The following GPLD1 variants were observed in gnomAD, a reference collection of about 807,000 sequenced individuals.
GPLD1 encodes the protein glycosylphosphatidylinositol specific phospholipase D1, also known as phosphatidylinositol-glycan-specific phospholipase D.
GPLD1 carries 84 observed loss-of-function variants against 112.6 expected under a neutral mutation model. The ratio of observed to expected loss-of-function variants is 0.75; its 90% CI spans 0.63 to 0.89. The LOEUF (loss-of-function observed/expected upper bound fraction) is 0.89, where lower values mean the gene tolerates loss of function less well. Ranked by LOEUF, GPLD1 falls within the 40% of genes least tolerant of loss-of-function variation. The probability of loss-of-function intolerance (pLI) is 0.00; values close to 1 mark genes in which losing one functional copy is unlikely to be tolerated. For synonymous variants in GPLD1, 386 were observed against 403.8 expected, an observed-to-expected ratio of 0.96 and a Z score of 0.53; for missense variants, 1,044 against 1,051.5, an observed-to-expected ratio of 0.99 and a Z score of 0.10.
intron 1 of GPLD1, chr6:24,494,958 C>T (rs761924408): frequency 3.2e-5 from 42 of 1,293,262 alleles, no homozygotes; most frequent in Non-Finnish European, 3.9e-5. Context: ...TGCGCGCGCG[C>T]CCGCTTGCCT....
intron 6 of GPLD1, 21 bp downstream of exon 6, chr6:24,473,598 G>A (rs1763899591): frequency 7.2e-6 from 11 of 1,527,752 alleles, no homozygotes; most frequent in Middle Eastern, 1.7e-4. Context: ...AGAAAATTTA[G>A]CAAATGTAAA....
rs914728345 is a variant in GPLD1, at chr6:24,464,292, T to C, written c.822-1497A>G. Among the ~76,000 whole-genome samples the C allele has an allele frequency of 5.9e-5, 9 of 152,340 alleles. No individual in the cohort carries two copies. The South Asian group carries it at 1.5e-3, about 25-fold the overall frequency. The stretch of plus-strand genomic sequence containing the variant: ...CAATTTTATAGGTGAGGAAATAAGA[T>C]TTTGGAAGGTTTAGCAACTTGTTCC... On this transcript the variant is annotated intron_variant, in intron 10 of 24. Coordinates refer to ENST00000230036, the MANE Select transcript of GPLD1 (RefSeq NM_001503.4).
chr6:24,475,016 C>T (rs1004358079), intron 5 of GPLD1, 105 bp downstream of exon 5: 16 of 662,762 alleles, frequency 2.4e-5, no homozygotes, highest in Non-Finnish European at 4.2e-5. Flanking sequence ...GGGCAGAAGT[C>T]TGAATAACCT....
In GPLD1 at chr6:24,428,965, A is replaced by G. The variant is rs552266788; in HGVS notation, c.*67T>C. The G allele has an allele frequency of 2.7e-6, 3 of 1,118,202 alleles. No homozygotes were observed. The highest frequency in any genetic ancestry group is 3.9e-5 in the Admixed American group (2 of 51,422). The allele number at this position is 1,118,202 out of a possible 1,614,324, so 69.3% of individuals were successfully genotyped here. A position where few individuals can be genotyped will look rare whatever the true frequency, so the allele number is the denominator to read the frequency against. On this transcript the variant is annotated 3_prime_UTR_variant, in exon 25 of 25. Coordinates refer to ENST00000230036, the MANE Select transcript of GPLD1 (RefSeq NM_001503.4). Reference sequence around the variant, plus strand: ...ACTGGATGTGCCACTTTGTCCATCAAAATGCTCACCATGGATGTGATTCAG... The same window carrying G: ...ACTGGATGTGCCACTTTGTCCATCAGAATGCTCACCATGGATGTGATTCAG...
At chr6:24,478,868 C>T (rs1420223617) in intron 3 of GPLD1, among the ~76,000 whole-genome samples, 1 of 152,122 alleles carries the variant, frequency 6.6e-6, no homozygotes, top group African/African-American at 2.4e-5. Context: ...AGCTCCTCTC[C>T]AATTACTCAG....
chr6:24,466,653 G>A, intron 10 of GPLD1, 27 bp downstream of exon 10: 1 of 1,590,804 alleles, frequency 6.3e-7, no homozygotes. Context: ...GAGAGTGATT[G>A]GTAATAGAAA....
chr6:24,452,319 T>G (rs1763118335), intron 14 of GPLD1, among the ~76,000 whole-genome samples: 1 of 152,178 alleles, frequency 6.6e-6, no homozygotes, highest in Non-Finnish European at 1.5e-5. Context: ...TAAATTTATT[T>G]TGGAAATTTT....
Position 24,446,259 on chromosome 6 carries a change from A to G in GPLD1, c.1821-428T>C, listed in dbSNP as rs115534246. 4.4e-3 allele frequency among the ~76,000 whole-genome samples: 665 copies of G among 152,224 alleles called. 2 individuals carry two copies. The highest frequency in any genetic ancestry group is 7.1e-3 in the Non-Finnish European group (484 of 68,000). On this transcript the variant is annotated intron_variant, in intron 18 of 24. Coordinates refer to ENST00000230036, the MANE Select transcript of GPLD1 (RefSeq NM_001503.4). Reference sequence around the variant, plus strand: ...CAATAGGACTGGTGTCTTTCAAAGAAGAGGAGAGGCAGGAGGATCACTTGA... The same window carrying G: ...CAATAGGACTGGTGTCTTTCAAAGAGGAGGAGAGGCAGGAGGATCACTTGA...
At chr6:24,447,718 C>A in intron 17 of GPLD1, 159 bp downstream of exon 17, 4 of 707,512 alleles carry the variant, frequency 5.7e-6, no homozygotes, top group Non-Finnish European at 9.2e-6. Context: ...TGAATCTATG[C>A]ACATCACTTG....
intron 2 of GPLD1, 89 bp downstream of exon 2, chr6:24,485,986 T>C: frequency 1.2e-6 from 1 of 813,136 alleles, no homozygotes; most frequent in Non-Finnish European, 2.0e-6. Flanking sequence ...GTCTTAAAAT[T>C]ACTGTTTAAA....
rs375817549 is a variant in GPLD1 at position 24,447,293 on chromosome 6, G to C, written c.1679-314C>G. ...CGCCGAGGTGGGTGGATCACCAGAG[G>C]TCAGGAGTTCAAGACCAGCCTGACC... On this transcript the variant is annotated intron_variant, in intron 17 of 24. Transcript: ENST00000230036. Among the ~76,000 whole-genome samples the C allele has an allele frequency of 3.3e-5, 5 of 152,208 alleles. 1 individual carries two copies. The highest frequency in any genetic ancestry group is 1.2e-4 in the African/African-American group (5 of 41,524).
chr6:24,490,415 A>C (rs1764523977), upstream of GPLD1, among the ~76,000 whole-genome samples: 1 of 152,186 alleles, frequency 6.6e-6, no homozygotes, highest in Non-Finnish European at 1.5e-5. Context: ...GGGAGGAAAT[A>C]GTATTCACTT....
At chr6:24,477,118 C>G (rs550144160) in intron 3 of GPLD1, among the ~76,000 whole-genome samples, 1 of 151,310 alleles carries the variant, frequency 6.6e-6, no homozygotes, top group South Asian at 2.1e-4. Context: ...TTCTTGTTCT[C>G]CAGAATACAG....
In GPLD1 at chr6:24,465,852, C is replaced by T. The variant is rs972690831; in HGVS notation, c.821+828G>A. 3.3e-5 allele frequency among the ~76,000 whole-genome samples: 5 copies of T among 152,202 alleles called. 1 individual carries two copies. The highest frequency in any genetic ancestry group is 2.1e-4 in the South Asian group (1 of 4,824). Reference sequence around the variant, plus strand: ...ACAAATGCATTTATTTCTCATTTTACGTTGGAGTGTGTGTCGGGGCATGTA... The same window carrying T: ...ACAAATGCATTTATTTCTCATTTTATGTTGGAGTGTGTGTCGGGGCATGTA... On this transcript the variant is annotated intron_variant, in intron 10 of 24. Coordinates refer to ENST00000230036, the MANE Select transcript of GPLD1 (RefSeq NM_001503.4).
At chr6:24,452,498 G>T (rs1394339475) in intron 14 of GPLD1, among the ~76,000 whole-genome samples, 1 of 152,102 alleles carries the variant, frequency 6.6e-6, no homozygotes, top group Non-Finnish European at 1.5e-5. Flanking sequence ...GTTCATGGCT[G>T]GGCGTGGTGG....
chr6:24,492,113 G>C (rs1764573344), upstream of GPLD1, among the ~76,000 whole-genome samples: 1 of 152,136 alleles, frequency 6.6e-6, no homozygotes, highest in Admixed American at 6.5e-5. Context: ...GAGACCCAAG[G>C]TGAAAAGTAA....
chr6:24,457,839 C>T (rs1458239787), intron 12 of GPLD1, among the ~76,000 whole-genome samples: 4 of 151,226 alleles, frequency 2.6e-5, no homozygotes, highest in African/African-American at 4.9e-5. Flanking sequence ...TGCCGCTGCA[C>T]GCTAGCCTGG....
At position 24,456,547 on chromosome 6, in the gene GPLD1, T is replaced by A. The variant is rs1402841230; in HGVS notation, c.1099A>T (p.Ser367Cys). The A allele has an allele frequency of 6.2e-7, 1 of 1,610,608 alleles. No individual in the cohort carries two copies. Among genetic ancestry groups the A allele is most frequent in the Admixed American group, 1.7e-5 (1 of 60,010 alleles). ...GSQLSQKHVS[S>C]PLASYFLSFP... is the part of the protein sequence containing the mutation. ...GACAAGAAGTAAGATGCTAAGGGGC[T>A]GGAGACGTGCTTTTGTGACAACTGA... is the stretch of plus-strand genomic sequence containing the variant. The change falls in exon 13 of 25, where the codon AGC (serine) becomes TGC (cysteine). Residue 367 changes from serine (S) to cysteine (C), a missense_variant. By Grantham distance (112) the Ser-to-Cys change is moderately radical. Transcript: ENST00000230036.
chr6:24,470,244 G>A (rs1178215006), intron 7 of GPLD1, among the ~76,000 whole-genome samples: 2 of 152,050 alleles, frequency 1.3e-5, no homozygotes, highest in Non-Finnish European at 2.9e-5. Flanking sequence ...TAGCACCATG[G>A]AATATCACCA....
Sources: gnomAD v4.1 joint callset for allele counts (sites outside exome capture counted in the v4.1 genomes callset) on GRCh38, gnomAD v4.1.1 for gene constraint, MANE v1.5 for transcripts, NCBI Gene and HGNC (gene_info 2026-07-23, HGNC 2026-07-21) for gene names.